DPP8: variants seen among roughly 807,000 people sequenced by gnomAD.
The protein encoded by DPP8 is dipeptidyl peptidase 8, also known as DPP VIII.
DPP8 carries 31 observed loss-of-function variants against 107.5 expected under a neutral mutation model. The ratio of observed to expected loss-of-function variants is 0.29; its 90% CI spans 0.22 to 0.39. The LOEUF (loss-of-function observed/expected upper bound fraction) is 0.39. Ranked by LOEUF, DPP8 falls within the 10% of genes least tolerant of loss-of-function variation. The probability of loss-of-function intolerance (pLI) is 1.00; values close to 1 mark genes in which losing one functional copy is unlikely to be tolerated. For synonymous variants in DPP8, 381 were observed against 356.6 expected (o/e 1.07, Z -0.77); for missense variants, 842 against 1,076.1 (o/e 0.78, Z 3.04).
At chr15:65,468,630 T>C (rs1456502742) in intron 12 of DPP8, among the ~76,000 whole-genome samples, 2 of 152,150 alleles carry the variant, frequency 1.3e-5, no homozygotes, top group Non-Finnish European at 2.9e-5. Context: ...TTAGCATGCA[T>C]AAATAGAAAT....
chr15:65,514,413 TATACTATC>T (rs2071185700), intron 1 of DPP8, among the ~76,000 whole-genome samples: 1 of 152,216 alleles, frequency 6.6e-6, no homozygotes, highest in Non-Finnish European at 1.5e-5. Flanking sequence ...GTGGTGGTTA[TATACTATC>T]ATATGTTGTT....
At chr15:65,485,036 C>T (rs1020589461) in intron 8 of DPP8, 63 bp downstream of exon 8, 156 of 1,279,890 alleles carry the variant, frequency 1.2e-4, no homozygotes, top group Non-Finnish European at 1.7e-4. Flanking sequence ...TATCAAAGAA[C>T]CCTACTGGGC....
At chr15:65,472,657 T>C (rs1255890053) in intron 12 of DPP8, among the ~76,000 whole-genome samples, 1 of 152,142 alleles carries the variant, frequency 6.6e-6, no homozygotes, top group Non-Finnish European at 1.5e-5. Flanking sequence ...TAAGTTACTT[T>C]TCAAACCATA....
intron 8 of DPP8, among the ~76,000 whole-genome samples, chr15:65,484,736 G>A (rs955550656): frequency 1.3e-5 from 2 of 151,470 alleles, no homozygotes; most frequent in Non-Finnish European, 2.9e-5. Flanking sequence ...GCACTTGGCT[G>A]TCGAAATGGA....
At chr15:65,499,011 TC>T (rs1448360532) in intron 4 of DPP8, among the ~76,000 whole-genome samples, 1 of 151,460 alleles carries the variant, frequency 6.6e-6, no homozygotes, top group Non-Finnish European at 1.5e-5. Flanking sequence ...TGAGCCATGA[TC>T]TTGCCACTGC....
rs755948055 is a variant in DPP8, at chr15:65,454,271, T to C, written c.2263A>G (p.Ile755Val). ...SLMALMQRSD[I>V]FRVAIAGAPV... ...AATAGGAAGTCACATACCCTGAAGA[T>C]ATCTGACCTCTGCATTAATGCCATC... Residue 755 changes from isoleucine (I) to valine (V), a missense_variant, in exon 17 of 20, where the codon ATC becomes GTC. This residue lies in a region of DPP8 where 179 missense variants were observed against 318.0 expected (regional missense o/e 0.56). Coordinates refer to ENST00000300141, the MANE Select transcript of DPP8 (RefSeq NM_130434.5). 1.3e-6 allele frequency: 2 copies of C among 1,546,674 alleles called. No individual in the cohort carries two copies. The highest frequency in any genetic ancestry group is 1.4e-5 in the African/African-American group (1 of 70,322).
At chr15:65,492,856 C>A (rs940185313) in intron 5 of DPP8, among the ~76,000 whole-genome samples, 1 of 152,090 alleles carries the variant, frequency 6.6e-6, no homozygotes, top group Admixed American at 6.5e-5. Context: ...CCTTGGCCCC[C>A]CAAAGTGCTA....
intron 2 of DPP8, among the ~76,000 whole-genome samples, chr15:65,511,627 G>A (rs1278632076): frequency 1.7e-5 from 2 of 117,396 alleles, no homozygotes; most frequent in Non-Finnish European, 3.3e-5. Context: ...GTGACAGAGT[G>A]AGACCCTGTC....
intron 16 of DPP8, chr15:65,455,802 A>T: frequency 7.8e-7 from 1 of 1,289,822 alleles, no homozygotes; most frequent in South Asian, 1.2e-5. Flanking sequence ...AGCAGCAGAA[A>T]GGACATGGGG....
chr15:65,498,925 G>A (rs901780756), intron 4 of DPP8, among the ~76,000 whole-genome samples: 1 of 151,874 alleles, frequency 6.6e-6, no homozygotes, highest in Non-Finnish European at 1.5e-5. Context: ...GGGTGTGGTG[G>A]CACATATCTG....
chr15:65,482,092 G>A (rs1171032720), intron 8 of DPP8, among the ~76,000 whole-genome samples: 1 of 151,990 alleles, frequency 6.6e-6, no homozygotes, highest in East Asian at 1.9e-4. Flanking sequence ...GAATGCAGTG[G>A]CTTGATCACA....
intron 10 of DPP8, among the ~76,000 whole-genome samples, chr15:65,479,987 T>C (rs1235804629): frequency 6.6e-6 from 1 of 152,114 alleles, no homozygotes; most frequent in African/African-American, 2.4e-5. Flanking sequence ...TAATATCTAT[T>C]ATCTCCAGGA....
chr15:65,476,226 C>A (rs935491049), intron 11 of DPP8, among the ~76,000 whole-genome samples: 3 of 151,772 alleles, frequency 2.0e-5, no homozygotes, highest in Admixed American at 1.3e-4. Flanking sequence ...TCCTAGGGTT[C>A]CACGTAAGTT....
chr15:65,486,871 G>A (rs1262012322), intron 7 of DPP8, among the ~76,000 whole-genome samples: 2 of 151,946 alleles, frequency 1.3e-5, no homozygotes. Flanking sequence ...CTACACATTG[G>A]GTACAGTGTA....
chr15:65,496,788 C>CT (rs1356645219), intron 5 of DPP8, among the ~76,000 whole-genome samples: 1 of 151,594 alleles, frequency 6.6e-6, no homozygotes, highest in Non-Finnish European at 1.5e-5. Flanking sequence ...GTAGCTGGGA[C>CT]TACTGGCACG....
At chr15:65,515,878 G>C in intron 1 of DPP8, 1 of 559,090 alleles carries the variant, frequency 1.8e-6, no homozygotes, top group Non-Finnish European at 3.1e-6. Context: ...CAAAATAGTA[G>C]TTAAAACTGA....
At chr15:65,498,921 G>C (rs1331947557) in intron 4 of DPP8, among the ~76,000 whole-genome samples, 1 of 151,900 alleles carries the variant, frequency 6.6e-6, no homozygotes, top group Non-Finnish European at 1.5e-5. Context: ...AATTGGGTGT[G>C]GTGGCACATA....
chr15:65,510,004 G>A (rs1421700695), intron 2 of DPP8, among the ~76,000 whole-genome samples: 1 of 151,946 alleles, frequency 6.6e-6, no homozygotes. Context: ...CTGGGCAACA[G>A]AGTGAGACCG....
intron 2 of DPP8, among the ~76,000 whole-genome samples, chr15:65,511,373 G>A (rs1440791237): frequency 6.6e-6 from 1 of 151,776 alleles, no homozygotes; most frequent in Non-Finnish European, 1.5e-5. Flanking sequence ...ACCATTATTA[G>A]AGGTCTGGTT....
Sources: gnomAD v4.1 joint callset for allele counts (sites outside exome capture counted in the v4.1 genomes callset) on GRCh38, gnomAD v4.1.1 for gene constraint, gnomAD v4.1.1 regional missense constraint, MANE v1.5 for transcripts, NCBI Gene and HGNC (gene_info 2026-07-23, HGNC 2026-07-21) for gene names.